HS1BP3: variants seen among roughly 807,000 people sequenced by gnomAD.
HS1BP3 encodes the protein HCLS1-binding protein 3.
HS1BP3 carries 32 observed loss-of-function variants against 33.5 expected under a neutral mutation model. That is an observed-to-expected ratio of 0.95 (90% CI 0.72 to 1.28). The LOEUF (loss-of-function observed/expected upper bound fraction) is 1.28, where lower values mean the gene tolerates loss of function less well. Among genes scored for constraint, HS1BP3 ranks in the 50% most tolerant of loss-of-function variants. The probability of loss-of-function intolerance (pLI) is 0.00; values close to 1 mark genes in which losing one functional copy is unlikely to be tolerated. For synonymous variants in HS1BP3, 187 were observed against 209.2 expected, an observed-to-expected ratio of 0.89 and a Z score of 0.92; for missense variants, 486 against 502.3, an observed-to-expected ratio of 0.97 and a Z score of 0.31.
At chr2:20,571,441 C>T (rs371285823) in intron 5 of HS1BP3, among the ~76,000 whole-genome samples, 15 of 152,198 alleles carry the variant, frequency 9.9e-5, no homozygotes, top group African/African-American at 2.9e-4. Context: ...CTCTTCCTGC[C>T]GAACACTCCC....
At chr2:20,577,233 G>A (rs777716205) in intron 5 of HS1BP3, among the ~76,000 whole-genome samples, 1 of 152,042 alleles carries the variant, frequency 6.6e-6, no homozygotes, top group Non-Finnish European at 1.5e-5. Flanking sequence ...TTTCCGTATC[G>A]GGGAGGGCCT....
chr2:20,624,055 G>C (rs766305966), intron 5 of HS1BP3, 24 bp from the exon 6 acceptor site: 4 of 1,609,050 alleles, frequency 2.5e-6, no homozygotes, highest in Non-Finnish European at 3.4e-6. Context: ...GCAGCAGGGG[G>C]GTCAGAGGAA....
At chr2:20,573,479 A>C (rs10200781) in intron 5 of HS1BP3, among the ~76,000 whole-genome samples, 138,519 of 152,262 alleles carry the variant, frequency 0.91, 63,254 homozygotes, top group East Asian at 1. Context: ...AATCCTGAGG[A>C]TCACATAATT....
At chr2:20,570,999 C>T (rs4666425) in intron 5 of HS1BP3, among the ~76,000 whole-genome samples, 138,616 of 152,146 alleles carry the variant, frequency 0.91, 63,392 homozygotes, top group East Asian at 1. Context: ...ATTGCAGAAC[C>T]CAGGGAGAGA....
At chr2:20,561,983 A>G (rs993489760) in intron 5 of HS1BP3, among the ~76,000 whole-genome samples, 4 of 152,190 alleles carry the variant, frequency 2.6e-5, no homozygotes, top group Admixed American at 2.0e-4. Flanking sequence ...GATTTAATCA[A>G]TCATACAGAA....
At chr2:20,568,814 C>A (rs1001253395) in intron 5 of HS1BP3, among the ~76,000 whole-genome samples, 9 of 152,172 alleles carry the variant, frequency 5.9e-5, no homozygotes, top group African/African-American at 2.2e-4. Context: ...GAGGGACAGG[C>A]AGATCTTGGC....
intron 5 of HS1BP3, among the ~76,000 whole-genome samples, chr2:20,570,012 G>C (rs1368160810): frequency 1.3e-5 from 2 of 152,188 alleles, no homozygotes; most frequent in East Asian, 3.9e-4. Context: ...CTCAGCCTGA[G>C]AGAAGCAAAC....
At chr2:20,558,254 C>T (rs922069806), downstream of HS1BP3, among the ~76,000 whole-genome samples, 6 of 152,124 alleles carry the variant, frequency 3.9e-5, no homozygotes, top group South Asian at 2.1e-4. Flanking sequence ...GCAACGTTGA[C>T]GGTGGGTGGG....
chr2:20,598,556 T>C (rs1693997747), intron 2 of HS1BP3, among the ~76,000 whole-genome samples: 1 of 114,118 alleles, frequency 8.8e-6, no homozygotes, highest in Non-Finnish European at 1.8e-5. Context: ...TTTTTTTTTT[T>C]TTTTTTTTTT....
chr2:20,614,965 C>A (rs1438928029), downstream of HS1BP3, among the ~76,000 whole-genome samples: 2 of 152,234 alleles, frequency 1.3e-5, no homozygotes, highest in African/African-American at 4.8e-5. Flanking sequence ...GCGTGGGATT[C>A]TGTGTGTCGC....
At chr2:20,576,725 T>A (rs114471888) in intron 5 of HS1BP3, among the ~76,000 whole-genome samples, 384 of 152,362 alleles carry the variant, frequency 2.5e-3, no homozygotes, top group African/African-American at 7.7e-3. Context: ...AGGGACTTTT[T>A]ATTCCACAAC....
rs118093404 is a variant in HS1BP3 at position 20,598,332 on chromosome 2, G to A, written c.179-67C>T. 1.5e-4 allele frequency: 45 copies of A among 300,690 alleles called. No homozygotes were observed. The East Asian group carries it at 4.0e-3, about 26-fold the overall frequency. The allele number at this position is 300,690 out of a possible 1,614,324, so 18.6% of individuals were successfully genotyped here. A position where few individuals can be genotyped will look rare whatever the true frequency, so the allele number is the denominator to read the frequency against. On this transcript the variant is annotated intron_variant, in intron 2 of 3. Coordinates refer to the HS1BP3 transcript ENST00000415264. Reference sequence around the variant, plus strand: ...ATTCTCATAAGGAGCACACAACCAAGATCTCTTGAATGAGCAAGGGCTCGC... The same window carrying A: ...ATTCTCATAAGGAGCACACAACCAAAATCTCTTGAATGAGCAAGGGCTCGC...
At chr2:20,554,042 G>T in the HS1BP3 span, among the ~76,000 whole-genome samples, 1 of 152,128 alleles carries the variant, frequency 6.6e-6, no homozygotes, top group Non-Finnish European at 1.5e-5. Flanking sequence ...AATTCCCACC[G>T]AGTGATGTCA....
chr2:20,558,253 A>G (rs560520549), downstream of HS1BP3, among the ~76,000 whole-genome samples: 1 of 152,244 alleles, frequency 6.6e-6, no homozygotes, highest in East Asian at 1.9e-4. Context: ...AGCAACGTTG[A>G]CGGTGGGTGG....
At chr2:20,605,974 A>ATGC (rs1397556734) in intron 2 of HS1BP3, among the ~76,000 whole-genome samples, 2 of 152,238 alleles carry the variant, frequency 1.3e-5, no homozygotes, top group Non-Finnish European at 2.9e-5. Context: ...TAGGAGTGGA[A>ATGC]TGCTGGGTCA....
At chr2:20,638,382 C>A in intron 4 of HS1BP3, 54 bp downstream of exon 4, 1 of 1,530,992 alleles carries the variant, frequency 6.5e-7, no homozygotes, top group Non-Finnish European at 8.9e-7. Flanking sequence ...GGGACGTCAT[C>A]TCCAGAAAGC....
At chr2:20,582,874 C>T (rs1201760778) in intron 5 of HS1BP3, among the ~76,000 whole-genome samples, 1 of 152,152 alleles carries the variant, frequency 6.6e-6, no homozygotes, top group Non-Finnish European at 1.5e-5. Flanking sequence ...AGGCAGGGAC[C>T]CTTTTGGCAG....
chr2:20,566,831 T>C (rs1693140349), intron 5 of HS1BP3, among the ~76,000 whole-genome samples: 1 of 152,120 alleles, frequency 6.6e-6, no homozygotes, highest in Admixed American at 6.5e-5. Context: ...GGTCTCAAAC[T>C]CCTGACCTCA....
intron 4 of HS1BP3, among the ~76,000 whole-genome samples, chr2:20,628,438 C>A (rs890635512): frequency 1.1e-4 from 16 of 152,074 alleles, no homozygotes; most frequent in Non-Finnish European, 2.2e-4. Flanking sequence ...AGTTTGAGAC[C>A]AGCCTGGCAA....
Sources: gnomAD v4.1 joint callset for allele counts (sites outside exome capture counted in the v4.1 genomes callset) on GRCh38, gnomAD v4.1.1 for gene constraint, MANE v1.5 for transcripts, NCBI Gene and HGNC (gene_info 2026-07-23, HGNC 2026-07-21) for gene names.